Variants in SLC28A1 observed in about 807,000 individuals in gnomAD.
The protein encoded by SLC28A1 is solute carrier family 28 member 1, also known as sodium/nucleoside cotransporter 1.
In SLC28A1, 64 loss-of-function variants were observed where a neutral mutation model predicts 74.8. The observed-to-expected ratio is 0.86, with a 90% CI of 0.70 to 1.05. The LOEUF is 1.05. Among genes scored for constraint, SLC28A1 ranks in the 50% least tolerant of loss-of-function variants. The probability of loss-of-function intolerance (pLI) is 0.00; values close to 1 mark genes in which losing one functional copy is unlikely to be tolerated. For missense variants in SLC28A1, 828 were observed against 822.8 expected, an observed-to-expected ratio of 1.01 and a Z score of -0.08; for synonymous variants, 359 against 335.0, an observed-to-expected ratio of 1.07 and a Z score of -0.78.
chr15:84,917,269 A>G (rs1313703732), intron 9 of SLC28A1, among the ~76,000 whole-genome samples: 1 of 152,168 alleles, frequency 6.6e-6, no homozygotes, highest in Admixed American at 6.5e-5. Context: ...AGGACACAGA[A>G]TAGAGCAAAC....
At chr15:84,933,682 C>T (rs547222997) in intron 13 of SLC28A1, among the ~76,000 whole-genome samples, 1 of 152,062 alleles carries the variant, frequency 6.6e-6, no homozygotes, top group Non-Finnish European at 1.5e-5. Flanking sequence ...TCTTAAGAAG[C>T]CACCAGTCAA....
chr15:84,948,522 G>T (rs2079308648), downstream of SLC28A1, among the ~76,000 whole-genome samples: 1 of 152,084 alleles, frequency 6.6e-6, no homozygotes, highest in African/African-American at 2.4e-5. Flanking sequence ...TGGATTCTTG[G>T]GAAGGAATAT....
chr15:84,886,751 CCT>C lies in SLC28A1; in HGVS notation c.-44_-43del. On this transcript the variant is annotated 5_prime_UTR_variant, in exon 2 of 19. It removes the in-frame stop codon of an upstream open reading frame in the 5' UTR. Transcript: ENST00000394573. ...TTGTCCCCACAGAGACGTGTGCTTC[CCT>C]CTCTCTCTGAGAGCGACCTGTTAAC... 3 of 985,428 alleles carry C rather than the reference CCT, an allele frequency of 3.0e-6. No individual in the cohort carries two copies. The highest frequency in any genetic ancestry group is 3.6e-6 in the Non-Finnish European group (3 of 829,924). The allele number at this position is 985,428 out of a possible 1,614,324, so 61.0% of individuals were successfully genotyped here.
chr15:84,929,853 C>A (rs1042662563), intron 12 of SLC28A1, among the ~76,000 whole-genome samples: 7 of 152,134 alleles, frequency 4.6e-5, no homozygotes, highest in Admixed American at 4.6e-4. Flanking sequence ...CAGAGCGAGA[C>A]CCTTTGGGTC....
At chr15:84,931,753 C>T (rs899837918) in intron 12 of SLC28A1, among the ~76,000 whole-genome samples, 1 of 151,494 alleles carries the variant, frequency 6.6e-6, no homozygotes, top group African/African-American at 2.4e-5. Context: ...CCTGTAATCC[C>T]AGCACTTTGG....
At chr15:84,918,407 G>C in intron 9 of SLC28A1, 117 bp from the exon 10 acceptor site, 3 of 788,202 alleles carry the variant, frequency 3.8e-6, no homozygotes, top group Non-Finnish European at 6.9e-6. Context: ...ATCCTGTCAG[G>C]CATCTGAGTG....
At chr15:84,936,973 A>G (rs1254997641) in intron 15 of SLC28A1, among the ~76,000 whole-genome samples, 3 of 151,702 alleles carry the variant, frequency 2.0e-5, no homozygotes, top group African/African-American at 4.8e-5. Context: ...AGATGGCTTG[A>G]GCCCAGGAGT....
intron 8 of SLC28A1, among the ~76,000 whole-genome samples, chr15:84,906,565 T>TTC (rs1325671774): frequency 0.012 from 195 of 16,722 alleles, 9 homozygotes; most frequent in African/African-American, 0.027. Context: ...TCTTTCTTTC[T>TTC]CTTTCTTTCT....
At chr15:84,919,907 T>G (rs1454630918) in intron 10 of SLC28A1, among the ~76,000 whole-genome samples, 1 of 152,134 alleles carries the variant, frequency 6.6e-6, no homozygotes, top group African/African-American at 2.4e-5. Flanking sequence ...TCCCCAGACC[T>G]GGAGACTGTG....
chr15:84,904,129 T>C lies in SLC28A1; in HGVS notation c.494T>C (p.Val165Ala). 6.2e-7 allele frequency: 1 copy of C among 1,614,178 alleles called. No homozygotes were observed. The highest frequency in any genetic ancestry group is 8.5e-7 in the Non-Finnish European group (1 of 1,180,038). ...GCTCTTGCTGCTTTCCTGGGCCTGGTCCTGTGGCTGTCTCTGGACACCTCC... is the reference window on the plus strand; with the variant it reads ...GCTCTTGCTGCTTTCCTGGGCCTGGCCCTGTGGCTGTCTCTGGACACCTCC... Reference protein sequence around the residue: ...GLALAAFLGLVLWLSLDTSQR... With the variant: ...GLALAAFLGLALWLSLDTSQR... Residue 165 changes from valine (V) to alanine (A), a missense_variant, in exon 7 of 19, where the codon GTC (valine) becomes GCC (alanine). Physicochemically the swap from Val to Ala is moderately conservative, Grantham distance 64. Coordinates refer to ENST00000394573, the MANE Select transcript of SLC28A1 (RefSeq NM_004213.5).
rs1327916243 is a variant in SLC28A1, at chr15:84,889,709, TTTCCTTCCTTCC to T, written c.186-687_186-676del. 4.9e-3 allele frequency among the ~76,000 whole-genome samples: 132 copies of T among 27,096 alleles called. 1 individual carries two copies. The highest frequency in any genetic ancestry group is 7.8e-3 in the Non-Finnish European group (59 of 7,538). The allele number at this position is 27,096 out of a possible 152,430, so 17.8% of individuals were successfully genotyped here. On this transcript the variant is annotated intron_variant, in intron 4 of 18. Transcript: ENST00000394573. Reference sequence around the variant, plus strand: ...CCTTCCTTCTTTCCTTCCTTCCTTCTTTCCTTCCTTCCTTCCTTCCTTCCTTCCTTCCTTCCT... The same window carrying T: ...CCTTCCTTCTTTCCTTCCTTCCTTCTTTCCTTCCTTCCTTCCTTCCTTCCT...
rs1224511597 is a variant in SLC28A1, at chr15:84,908,065, C to T, written c.718-653C>T. On this transcript the variant is annotated intron_variant, in intron 8 of 18. Transcript: ENST00000394573. ...GGGGACAAGATGAGGGGAGACTTTG[C>T]CGTTGGTTGTCAGGGGCCTGAGCGG... Among the ~76,000 whole-genome samples the T allele has an allele frequency of 3.3e-5, 5 of 152,042 alleles. No homozygotes were observed. The East Asian group carries it at 9.6e-4, about 29-fold the overall frequency.
At position 84,889,967 on chromosome 15, in the gene SLC28A1, C is replaced by G. The variant is rs535624901; in HGVS notation, c.186-476C>G. On this transcript the variant is annotated intron_variant, in intron 4 of 18. Transcript: ENST00000394573. ...TCTCCTGCCTCAGCTTCTTGAGCAG[C>G]TGGGATTACAGGCGCACGCCACCAT... is the stretch of plus-strand genomic sequence containing the variant. 6.6e-5 allele frequency among the ~76,000 whole-genome samples: 10 copies of G among 151,636 alleles called. No homozygotes were observed. In the East Asian group the frequency reaches 1.7e-3, roughly 27 times the overall value.
chr15:84,963,063 G>A, the SLC28A1 span, among the ~76,000 whole-genome samples: 1 of 152,194 alleles, frequency 6.6e-6, no homozygotes, highest in African/African-American at 2.4e-5. Context: ...AAGACCCTGG[G>A]ACCTTGGCAA....
At chr15:84,896,530 C>A (rs1024427544) in intron 6 of SLC28A1, among the ~76,000 whole-genome samples, 1 of 152,166 alleles carries the variant, frequency 6.6e-6, no homozygotes, top group Non-Finnish European at 1.5e-5. Context: ...AATGGTTAGG[C>A]TGGCCGGGCA....
intron 2 of SLC28A1, 40 bp from the exon 3 acceptor site, chr15:84,887,705 C>T (rs1401978910): frequency 1.3e-6 from 2 of 1,597,386 alleles, no homozygotes; most frequent in Non-Finnish European, 1.7e-6. Flanking sequence ...CCTGCCCGGC[C>T]TCCCTTTCAG....
In SLC28A1 at chr15:84,944,659, T is replaced by C. The variant is rs773008341; in HGVS notation, c.1757T>C (p.Met586Thr). The C allele has an allele frequency of 2.4e-5, 38 of 1,612,878 alleles. No individual in the cohort carries two copies. The highest frequency in any genetic ancestry group is 2.9e-5 in the Non-Finnish European group (34 of 1,178,906). ...GACVSLVNAC[M>T]AGILYMPRGA... The stretch of plus-strand genomic sequence containing the variant: ...TGTGTGTCCCTGGTGAACGCCTGTA[T>C]GGCAGGTGAGTGCAGGCCTGGCAGG... Residue 586 changes from methionine (M) to threonine (T), a missense_variant, in exon 17 of 19, where the codon ATG (methionine) becomes ACG (threonine). Physicochemically the swap from Met to Thr is moderately conservative, Grantham distance 81. Coordinates refer to ENST00000394573, the MANE Select transcript of SLC28A1 (RefSeq NM_004213.5).
Position 84,903,970 on chromosome 15 carries a change from C to T in SLC28A1, c.462-127C>T, listed in dbSNP as rs1187026349. The T allele has an allele frequency of 8.7e-6, 11 of 1,257,534 alleles. No individual in the cohort carries two copies. The South Asian group carries it at 1.2e-4, about 14-fold the overall frequency. The allele number at this position is 1,257,534 out of a possible 1,614,324, so 77.9% of individuals were successfully genotyped here. A position where few individuals can be genotyped will look rare whatever the true frequency, so the allele number is the denominator to read the frequency against. ...GGTTCCAGAGCTGGTGCTCTTTCCACTCTGCTGTGCTGTTTCTCCTCCTCC... is the reference window on the plus strand; with the variant it reads ...GGTTCCAGAGCTGGTGCTCTTTCCATTCTGCTGTGCTGTTTCTCCTCCTCC... On this transcript the variant is annotated intron_variant, in intron 6 of 18. Coordinates refer to ENST00000394573, the MANE Select transcript of SLC28A1 (RefSeq NM_004213.5).
In SLC28A1 at chr15:84,935,175, T is replaced by A. The variant is rs1323882024; in HGVS notation, c.1364T>A (p.Ile455Asn). 6.2e-7 allele frequency: 1 copy of A among 1,613,936 alleles called. No individual in the cohort carries two copies. Among genetic ancestry groups the A allele is most frequent in the East Asian group, 2.2e-5 (1 of 44,880 alleles). ...TCCTGGCTGGGAGACATGGTGGACA[T>A]CCAAGGGCTCAGCTTCCAGGTGCGT... ...ALSWLGDMVD[I>N]QGLSFQLICS... is the part of the protein sequence containing the mutation. Residue 455 changes from isoleucine (I) to asparagine (N), a missense_variant, in exon 14 of 19, where the codon ATC (isoleucine) becomes AAC (asparagine). Physicochemically the swap from Ile to Asn is moderately radical, Grantham distance 149 (BLOSUM62 -3). Around this residue, in one of 3 missense-constraint regions of SLC28A1, gnomAD observed 767 missense variants for 753.5 expected, o/e 1.02. Coordinates refer to ENST00000394573, the MANE Select transcript of SLC28A1 (RefSeq NM_004213.5).
Sources: gnomAD v4.1 joint callset for allele counts (sites outside exome capture counted in the v4.1 genomes callset) on GRCh38, gnomAD v4.1.1 for gene constraint, gnomAD v4.1.1 regional missense constraint, MANE v1.5 for transcripts, NCBI Gene and HGNC (gene_info 2026-07-23, HGNC 2026-07-21) for gene names.